The following SLC6A5 variants were observed in gnomAD, a reference collection of about 807,000 sequenced individuals.
SLC6A5 encodes the protein solute carrier family 6 member 5, also known as sodium- and chloride-dependent glycine transporter 2.
Under a neutral mutation model 90.5 loss-of-function variants are expected in SLC6A5, and 58 were observed. That is an observed-to-expected ratio of 0.64 (90% CI 0.52 to 0.80). The LOEUF is 0.80. Among genes scored for constraint, SLC6A5 ranks in the 30% least tolerant of loss-of-function variants. The pLI, the probability that SLC6A5 is intolerant of heterozygous loss-of-function variation, is 0.00. For missense variants in SLC6A5, 1,015 were observed against 1,017.6 expected, an observed-to-expected ratio of 1.00 and a Z score of 0.03; for synonymous variants, 427 against 401.4, an observed-to-expected ratio of 1.06 and a Z score of -0.76.
chr11:20,608,528 G>C (rs916077441), intron 5 of SLC6A5, among the ~76,000 whole-genome samples: 2 of 152,206 alleles, frequency 1.3e-5, no homozygotes, highest in Non-Finnish European at 2.9e-5. Flanking sequence ...GGGGATTGCT[G>C]TAAGGAGAAA....
rs1169639082 is a variant in SLC6A5, at chr11:20,658,569, G to A, written c.*3701G>A. ...TCATTTCCCCACAAAGTGGCCCTAG[G>A]ATTTGTGAAAGTGAAGCTTCCTATC... On this transcript the variant is annotated 3_prime_UTR_variant, in exon 16 of 16. Coordinates refer to ENST00000525748, the MANE Select transcript of SLC6A5 (RefSeq NM_004211.5). 3 of 152,182 alleles carry A rather than the reference G, an allele frequency of 2.0e-5. No homozygotes were observed. In the East Asian group the frequency reaches 5.8e-4, roughly 29 times the overall value. The allele number at this position is 152,182 out of a possible 1,614,324, so 9.4% of individuals were successfully genotyped here.
chr11:20,637,262 T>G lies in SLC6A5; in HGVS notation c.1828T>G (p.Cys610Gly). The G allele has an allele frequency of 6.2e-7, 1 of 1,613,982 alleles. No individual in the cohort carries two copies. The highest frequency in any genetic ancestry group is 8.5e-7 in the Non-Finnish European group (1 of 1,179,966). Residue 610 changes from cysteine to glycine, a missense_variant, in exon 12 of 16, where the codon TGC becomes GGC. Transcript: ENST00000525748. ...THKPVFTLGC[C>G]ICFFIMGFPM... ...CAAGCCAGTGTTTACTCTGGGCTGC[T>G]GCATTTGTTTCTTCATCATGGGTTT...
At chr11:20,639,588 C>G (rs927126159) in intron 13 of SLC6A5, among the ~76,000 whole-genome samples, 1 of 152,174 alleles carries the variant, frequency 6.6e-6, no homozygotes. Flanking sequence ...AAAGCTCACC[C>G]TAACCTCCAG....
rs547866490 is a variant in SLC6A5, at chr11:20,624,806, C to T, written c.1261-1902C>T. Among the ~76,000 whole-genome samples, 8 of 152,284 alleles carry T rather than the reference C, an allele frequency of 5.3e-5. No individual in the cohort carries two copies. In the South Asian group the frequency reaches 6.2e-4, roughly 12 times the overall value. ...TAATGTAGCCTACCTGTGAGTCGAGCGCTGTCAGTGTGATTAAGTTGAGGA... is the reference window on the plus strand; with the variant it reads ...TAATGTAGCCTACCTGTGAGTCGAGTGCTGTCAGTGTGATTAAGTTGAGGA... On this transcript the variant is annotated intron_variant, in intron 7 of 15. Transcript: ENST00000525748.
chr11:20,633,803 A>C (rs1216038431), intron 10 of SLC6A5, among the ~76,000 whole-genome samples: 4 of 152,220 alleles, frequency 2.6e-5, no homozygotes, highest in Non-Finnish European at 4.4e-5. Flanking sequence ...GTGGATAAAG[A>C]AACTAAAGTT....
chr11:20,618,633 A>C (rs1590164153), intron 7 of SLC6A5, among the ~76,000 whole-genome samples: 1 of 152,114 alleles, frequency 6.6e-6, no homozygotes, highest in East Asian at 1.9e-4. Flanking sequence ...ATCTCCTTGC[A>C]GCCTTAGAAA....
Position 20,627,862 on chromosome 11 carries a change from G to T in SLC6A5, c.1396-118G>T. 3 of 757,654 alleles carry T rather than the reference G, an allele frequency of 4.0e-6. No homozygotes were observed. The East Asian group carries it at 7.7e-5, about 19-fold the overall frequency. The allele number at this position is 757,654 out of a possible 1,614,324, so 46.9% of individuals were successfully genotyped here. On this transcript the variant is annotated intron_variant, in intron 8 of 15. Coordinates refer to ENST00000525748, the MANE Select transcript of SLC6A5 (RefSeq NM_004211.5). ...GTTCTCATTGATGTTGATGTCGGGGGTCATCTTGTCCCTGATGTTTCCCCT... is the reference window on the plus strand; with the variant it reads ...GTTCTCATTGATGTTGATGTCGGGGTTCATCTTGTCCCTGATGTTTCCCCT...
chr11:20,643,589 C>T (rs1294571861), intron 13 of SLC6A5, among the ~76,000 whole-genome samples: 1 of 152,204 alleles, frequency 6.6e-6, no homozygotes, highest in Non-Finnish European at 1.5e-5. Context: ...TAAGGTCACA[C>T]AGTGAGTCAG....
Position 20,655,096 on chromosome 11 carries a change from T to G in SLC6A5, c.*228T>G. 1.8e-6 allele frequency: 1 copy of G among 561,162 alleles called. No individual in the cohort carries two copies. The highest frequency in any genetic ancestry group is 3.3e-6 in the Non-Finnish European group (1 of 303,316). 34.8% of individuals were successfully genotyped at this position (561,162 alleles called of 1,614,324 possible). On this transcript the variant is annotated 3_prime_UTR_variant, in exon 16 of 16. Transcript: ENST00000525748. Reference sequence around the variant, plus strand: ...TTTGCCTGTGCCCATGGTGACTGTTTCTGGTCAGGTTGGTCCCCTGACCAC... The same window carrying G: ...TTTGCCTGTGCCCATGGTGACTGTTGCTGGTCAGGTTGGTCCCCTGACCAC...
intron 14 of SLC6A5, among the ~76,000 whole-genome samples, chr11:20,651,230 C>A (rs1228540665): frequency 1.6e-5 from 2 of 124,686 alleles, no homozygotes; most frequent in Admixed American, 1.7e-4. Context: ...CACCCCCCAC[C>A]CCTCTTGCCC....
chr11:20,650,832 A>G lies in SLC6A5; in HGVS notation c.2071-1457A>G, dbSNP rs12419577. Among the ~76,000 whole-genome samples, 781 of 151,622 alleles carry G rather than the reference A, an allele frequency of 5.2e-3. 26 individuals are homozygous for G. The highest frequency in any genetic ancestry group is 0.046 in the Admixed American group (707 of 15,250). ...CAGGCGCCCGCTACCACGCCCGGCT[A>G]ATTTTTTGTATTTTTAGTAGAGACG... is the stretch of plus-strand genomic sequence containing the variant. On this transcript the variant is annotated intron_variant, in intron 14 of 15. Transcript: ENST00000525748.
In SLC6A5 at chr11:20,658,910, A is replaced by G. The variant is rs1853668242; in HGVS notation, c.*4042A>G. The G allele has an allele frequency of 6.6e-6, 1 of 152,110 alleles. No homozygotes were observed. Among genetic ancestry groups the G allele is most frequent in the South Asian group, 2.1e-4 (1 of 4,814 alleles). 9.4% of individuals were successfully genotyped at this position (152,110 alleles called of 1,614,324 possible). ...TGTAAAGGAATAGGTTAATTCTTACATTGTGTACTTGGCTAATGTCCTAAA... is the reference window on the plus strand; with the variant it reads ...TGTAAAGGAATAGGTTAATTCTTACGTTGTGTACTTGGCTAATGTCCTAAA... On this transcript the variant is annotated 3_prime_UTR_variant, in exon 16 of 16. Coordinates refer to ENST00000525748, the MANE Select transcript of SLC6A5 (RefSeq NM_004211.5).
At chr11:20,653,631 A>G (rs1184402222) in intron 15 of SLC6A5, among the ~76,000 whole-genome samples, 3 of 152,172 alleles carry the variant, frequency 2.0e-5, no homozygotes, top group African/African-American at 7.2e-5. Flanking sequence ...GAATTAGCAA[A>G]AGGAGGTGTA....
intron 5 of SLC6A5, among the ~76,000 whole-genome samples, chr11:20,612,418 G>A (rs1043805956): frequency 6.6e-6 from 1 of 152,136 alleles, no homozygotes; most frequent in Non-Finnish European, 1.5e-5. Context: ...TCAAGCTCTC[G>A]GGAGTAGTGG....
rs776422251 is a variant in SLC6A5 at position 20,617,762 on chromosome 11, C to T, written c.1138C>T (p.Leu380=). 1 of 1,613,972 alleles carries T rather than the reference C, an allele frequency of 6.2e-7. No individual in the cohort carries two copies. Among genetic ancestry groups the T allele is most frequent in the Non-Finnish European group, 8.5e-7 (1 of 1,179,970 alleles). The change falls in exon 7 of 16, where the codon CTG becomes TTG. Residue 380 remains leucine, a synonymous_variant. Transcript: ENST00000525748. ...GSEEYFKYFV[L]KISAGIEYPG... is the part of the protein sequence containing the mutation. ...CCCTCCAACTCTCAGGTACTTTGTGCTGAAGATTTCTGCAGGGATTGAATA... is the reference window on the plus strand; with the variant it reads ...CCCTCCAACTCTCAGGTACTTTGTGTTGAAGATTTCTGCAGGGATTGAATA...
Position 20,626,406 on chromosome 11 carries a change from C to T in SLC6A5, c.1261-302C>T, listed in dbSNP as rs11025663. On this transcript the variant is annotated intron_variant, in intron 7 of 15. Transcript: ENST00000525748. ...CCCCCTCCCTCCTTCTCTCTGTGGT[C>T]CCCTAAGGAGTTGTGTACTCATCAG... Among the ~76,000 whole-genome samples, 20,524 of 151,996 alleles carry T rather than the reference C, an allele frequency of 0.14. 2,033 individuals are homozygous for T. Among genetic ancestry groups the T allele is most frequent in the East Asian group, 0.58 (2,987 of 5,138 alleles).
intron 6 of SLC6A5, among the ~76,000 whole-genome samples, chr11:20,616,248 A>T (rs1431123782): frequency 6.6e-6 from 1 of 152,212 alleles, no homozygotes; most frequent in Non-Finnish European, 1.5e-5. Flanking sequence ...CCCTTTGACC[A>T]TAACTACCAT....
At chr11:20,637,366 C>G (rs1461449775) in intron 12 of SLC6A5, 63 bp downstream of exon 12, 7 of 1,468,808 alleles carry the variant, frequency 4.8e-6, no homozygotes, top group Non-Finnish European at 5.7e-6. Context: ...CAATAGCTAT[C>G]TGTCTTTCAA....
chr11:20,618,352 C>G (rs1405922563), intron 7 of SLC6A5, among the ~76,000 whole-genome samples: 1 of 152,228 alleles, frequency 6.6e-6, no homozygotes, highest in Non-Finnish European at 1.5e-5. Flanking sequence ...CTCCCGGCCA[C>G]CATGTTCATG....
Sources: gnomAD v4.1 joint callset for allele counts (sites outside exome capture counted in the v4.1 genomes callset) on GRCh38, gnomAD v4.1.1 for gene constraint, MANE v1.5 for transcripts, NCBI Gene and HGNC (gene_info 2026-07-23, HGNC 2026-07-21) for gene names.